SNX8: variants seen among roughly 807,000 people sequenced by gnomAD.
SNX8 encodes sorting nexin-8.
SNX8 carries 25 observed loss-of-function variants against 51.6 expected under a neutral mutation model. The observed-to-expected ratio is 0.48, with a 90% confidence interval of 0.35 to 0.68. The LOEUF (loss-of-function observed/expected upper bound fraction) is 0.68. SNX8 is among the 30% of genes least tolerant of loss of function. The probability of loss-of-function intolerance (pLI) is 0.00; values close to 1 mark genes in which losing one functional copy is unlikely to be tolerated. For synonymous variants in SNX8, 324 were observed against 277.0 expected, an observed-to-expected ratio of 1.17 and a Z score of -1.68; for missense variants, 695 against 624.0, an observed-to-expected ratio of 1.11 and a Z score of -1.21.
At chr7:2,267,514 G>C (rs1187516486) in intron 5 of SNX8, among the ~76,000 whole-genome samples, 8 of 129,736 alleles carry the variant, frequency 6.2e-5, no homozygotes, top group Non-Finnish European at 1.7e-5. Context: ...GGGTTTCGCT[G>C]TGTTGGCCGG....
intron 1 of SNX8, among the ~76,000 whole-genome samples, chr7:2,290,709 G>A (rs1002380194): frequency 2.6e-5 from 4 of 152,126 alleles, no homozygotes; most frequent in Admixed American, 6.5e-5. Flanking sequence ...TGGGGACCGC[G>A]CCTCAGTCAG....
chr7:2,267,582 G>C (rs1300309895), intron 5 of SNX8, among the ~76,000 whole-genome samples: 1 of 141,000 alleles, frequency 7.1e-6, no homozygotes, highest in African/African-American at 2.6e-5. Context: ...CCGAGGTGCC[G>C]GGATTGCAGA....
At chr7:2,298,140 G>A (rs528105785) in intron 1 of SNX8, among the ~76,000 whole-genome samples, 4 of 152,104 alleles carry the variant, frequency 2.6e-5, no homozygotes, top group East Asian at 1.9e-4. Flanking sequence ...AGAGGATCTC[G>A]CTCTGTCGTG....
chr7:2,295,302 T>G (rs1796245563), intron 1 of SNX8, among the ~76,000 whole-genome samples: 1 of 140,294 alleles, frequency 7.1e-6, no homozygotes, highest in Non-Finnish European at 1.5e-5. Flanking sequence ...TACTCGGGAG[T>G]CTGAGGCTCG....
intron 3 of SNX8, among the ~76,000 whole-genome samples, chr7:2,274,721 G>A (rs1795734552): frequency 6.6e-6 from 1 of 152,266 alleles, no homozygotes; most frequent in South Asian, 2.1e-4. Context: ...AGGCTGCCAT[G>A]GCTTTGCAGA....
At chr7:2,341,951 T>C (rs1778936078) in intron 1 of SNX8, among the ~76,000 whole-genome samples, 1 of 150,422 alleles carries the variant, frequency 6.6e-6, no homozygotes, top group South Asian at 2.1e-4. Flanking sequence ...CCAGCCTGGA[T>C]GACAGAGTGA....
intron 1 of SNX8, among the ~76,000 whole-genome samples, chr7:2,349,737 A>G (rs1206872114): frequency 2.0e-5 from 3 of 151,854 alleles, no homozygotes; most frequent in African/African-American, 4.8e-5. Flanking sequence ...CGCCTGGCCA[A>G]TTTAGCTTTT....
At chr7:2,277,958 C>T (rs1248003696) in intron 2 of SNX8, 142 bp downstream of exon 2, 19 of 1,353,100 alleles carry the variant, frequency 1.4e-5, no homozygotes, top group African/African-American at 4.4e-5. Context: ...GACTCTGCTG[C>T]GAGTTCTGGA....
In SNX8 at chr7:2,319,746, C is replaced by T. The variant is rs1023165199; in HGVS notation, c.-66+34476G>A. Among the ~76,000 whole-genome samples, 34 of 149,388 alleles carry T rather than the reference C, an allele frequency of 2.3e-4. 1 individual carries two copies. Among genetic ancestry groups the T allele is most frequent in the Non-Finnish European group, 8.9e-5 (6 of 67,772 alleles). Reference sequence around the variant, plus strand: ...AGGAGAATGGTGCGAACCTGGGAGCCGGAGCTTGCAGTGAGCTGAGACTGC... The same window carrying T: ...AGGAGAATGGTGCGAACCTGGGAGCTGGAGCTTGCAGTGAGCTGAGACTGC... On this transcript the variant is annotated intron_variant, in intron 1 of 5. Transcript: ENST00000435336.
At chr7:2,334,493 T>C (rs1457681498) in intron 1 of SNX8, among the ~76,000 whole-genome samples, 1 of 150,120 alleles carries the variant, frequency 6.7e-6, no homozygotes, top group African/African-American at 2.5e-5. Context: ...AGGTCAGGAG[T>C]TGGAGACCAG....
At chr7:2,269,793 ACT>A (rs1795599693) in intron 4 of SNX8, among the ~76,000 whole-genome samples, 154 bp from the exon 5 acceptor site, 1 of 151,602 alleles carries the variant, frequency 6.6e-6, no homozygotes, top group South Asian at 2.1e-4. Flanking sequence ...CAATCTCTTG[ACT>A]CTCCCTTAGA....
chr7:2,263,905 C>T (rs1279990349), intron 6 of SNX8, among the ~76,000 whole-genome samples: 4 of 151,940 alleles, frequency 2.6e-5, no homozygotes, highest in South Asian at 4.2e-4. Context: ...TTAGTAGAGA[C>T]GGGTTTCACC....
intron 1 of SNX8, among the ~76,000 whole-genome samples, chr7:2,352,325 C>G (rs1289220282): frequency 1.3e-5 from 2 of 152,038 alleles, no homozygotes; most frequent in Non-Finnish European, 2.9e-5. Flanking sequence ...CAGTAGCCCC[C>G]CCGACCCCCA....
chr7:2,341,040 G>C, intron 1 of SNX8, among the ~76,000 whole-genome samples: 1 of 150,870 alleles, frequency 6.6e-6, no homozygotes, highest in Non-Finnish European at 1.5e-5. Context: ...GCCAGGCATG[G>C]TGGCATGCAT....
At chr7:2,348,843 T>A (rs2115252527) in intron 1 of SNX8, among the ~76,000 whole-genome samples, 1 of 148,018 alleles carries the variant, frequency 6.8e-6, no homozygotes, top group Admixed American at 6.9e-5. Flanking sequence ...TCTCAGCTAC[T>A]GGGGAGGCTG....
chr7:2,344,969 A>T (rs906384230), intron 1 of SNX8, among the ~76,000 whole-genome samples: 1 of 152,204 alleles, frequency 6.6e-6, no homozygotes, highest in Non-Finnish European at 1.5e-5. Context: ...TTTCACGCAC[A>T]GCAGATAGGA....
At chr7:2,265,409 T>G (rs2115105428) in intron 5 of SNX8, among the ~76,000 whole-genome samples, 1 of 152,230 alleles carries the variant, frequency 6.6e-6, no homozygotes, top group African/African-American at 2.4e-5. Flanking sequence ...TCTGGGAGAC[T>G]GAGGCAAGAG....
At chr7:2,287,528 G>A (rs940796634) in intron 1 of SNX8, among the ~76,000 whole-genome samples, 12 of 151,302 alleles carry the variant, frequency 7.9e-5, no homozygotes, top group South Asian at 2.1e-4. Context: ...GCAGTGAGCC[G>A]AGATCACGCC....
At chr7:2,352,763 G>A (rs1325635629) in intron 1 of SNX8, among the ~76,000 whole-genome samples, 4 of 152,072 alleles carry the variant, frequency 2.6e-5, no homozygotes, top group Non-Finnish European at 2.9e-5. Context: ...GTGAACCCGG[G>A]AGGTGGAGCT....
Sources: gnomAD v4.1 joint callset for allele counts (sites outside exome capture counted in the v4.1 genomes callset) on GRCh38, gnomAD v4.1.1 for gene constraint, MANE v1.5 for transcripts, NCBI Gene and HGNC (gene_info 2026-07-23, HGNC 2026-07-21) for gene names.